The following MARCHF1 variants were observed in gnomAD, a reference collection of about 807,000 sequenced individuals.
MARCHF1 encodes the protein E3 ubiquitin-protein ligase MARCHF1.
MARCHF1 carries 40 observed loss-of-function variants against 54.2 expected under a neutral mutation model. The observed-to-expected ratio is 0.74, with a 90% CI of 0.57 to 0.96. The LOEUF is 0.96. Ranked by LOEUF, MARCHF1 falls within the 40% of genes least tolerant of loss-of-function variation. MARCHF1 has a pLI of 0.00. For missense variants in MARCHF1, 586 were observed against 656.5 expected, an observed-to-expected ratio of 0.89 and a Z score of 1.17; for synonymous variants, 236 against 236.3, an observed-to-expected ratio of 1.00 and a Z score of 0.01.
intron 1 of MARCHF1, among the ~76,000 whole-genome samples, chr4:164,160,353 A>C (rs11935658): frequency 6.6e-6 from 1 of 151,944 alleles, no homozygotes; most frequent in Admixed American, 6.6e-5. Context: ...ACTGAATGCT[A>C]TAGGCAACTG....
intron 5 of MARCHF1, among the ~76,000 whole-genome samples, chr4:163,676,209 T>C (rs1743912442): frequency 7.1e-6 from 1 of 140,066 alleles, no homozygotes; most frequent in South Asian, 2.3e-4. Context: ...AAAAAAAAAT[T>C]AGCTGGGCGT....
intron 3 of MARCHF1, among the ~76,000 whole-genome samples, chr4:163,896,939 G>A (rs1298337278): frequency 6.6e-6 from 1 of 152,046 alleles, no homozygotes; most frequent in Non-Finnish European, 1.5e-5. Context: ...ATTCAACTGT[G>A]GCTCATTCAG....
intron 4 of MARCHF1, among the ~76,000 whole-genome samples, chr4:163,842,907 T>A (rs182565922): frequency 6.6e-6 from 1 of 152,246 alleles, no homozygotes; most frequent in East Asian, 1.9e-4. Context: ...GTGCGGTGTG[T>A]TACATGGGTA....
At chr4:164,312,614 C>T (rs2111432274) in intron 1 of MARCHF1, among the ~76,000 whole-genome samples, 1 of 152,102 alleles carries the variant, frequency 6.6e-6, no homozygotes, top group South Asian at 2.1e-4. Context: ...AGCCACCGCA[C>T]CCGGCCGAAT....
intron 3 of MARCHF1, among the ~76,000 whole-genome samples, chr4:163,910,955 A>G (rs1751176250): frequency 6.6e-6 from 1 of 152,360 alleles, no homozygotes; most frequent in South Asian, 2.1e-4. Flanking sequence ...CAAAAATAAC[A>G]TGAATGAATA....
chr4:164,101,418 G>T (rs1349066094), intron 2 of MARCHF1, among the ~76,000 whole-genome samples: 1 of 121,032 alleles, frequency 8.3e-6, no homozygotes, highest in Non-Finnish European at 1.9e-5. Flanking sequence ...GGAGATCTGA[G>T]AACGGGCAGA....
intron 1 of MARCHF1, among the ~76,000 whole-genome samples, chr4:164,160,397 TA>T (rs1451145589): frequency 6.6e-6 from 1 of 152,144 alleles, no homozygotes; most frequent in Non-Finnish European, 1.5e-5. Flanking sequence ...TAAGCATATC[TA>T]AACATAGATA....
chr4:163,721,805 G>A (rs1387739706), intron 4 of MARCHF1, among the ~76,000 whole-genome samples: 2 of 152,124 alleles, frequency 1.3e-5, no homozygotes, highest in African/African-American at 4.8e-5. Context: ...AGATTTTCTA[G>A]TTTGCTTGCG....
At chr4:164,226,344 A>C (rs974701473) in intron 1 of MARCHF1, among the ~76,000 whole-genome samples, 6 of 152,056 alleles carry the variant, frequency 3.9e-5, no homozygotes, top group Non-Finnish European at 8.8e-5. Flanking sequence ...GGGGAAAATA[A>C]GCTATTAGAG....
In MARCHF1 at chr4:163,814,785, G is replaced by T. The variant is rs950526236; in HGVS notation, c.111+39236C>A. Among the ~76,000 whole-genome samples, 4 of 152,174 alleles carry T rather than the reference G, an allele frequency of 2.6e-5. No individual in the cohort carries two copies. In the South Asian group the frequency reaches 8.3e-4, roughly 32 times the overall value. On this transcript the variant is annotated intron_variant, in intron 4 of 9. Coordinates refer to ENST00000514618, the MANE Select transcript of MARCHF1 (RefSeq NM_001394959.1). ...TTTTCTCCCTAGTTTTCTTGTTTAA[G>T]AAACAACTATCAGCAATAGAACTAT...
intron 1 of MARCHF1, among the ~76,000 whole-genome samples, chr4:164,222,892 A>C (rs1732153363): frequency 6.6e-6 from 1 of 152,084 alleles, no homozygotes; most frequent in African/African-American, 2.4e-5. Flanking sequence ...AAGACTGGGT[A>C]ATTTATAAAG....
chr4:163,824,885 A>G (rs1748803369), intron 4 of MARCHF1, among the ~76,000 whole-genome samples: 1 of 137,998 alleles, frequency 7.2e-6, no homozygotes, highest in Non-Finnish European at 1.6e-5. Flanking sequence ...AAAGCACATG[A>G]AAAAATGCTC....
chr4:164,306,193 T>C (rs944756806), intron 1 of MARCHF1, among the ~76,000 whole-genome samples: 3 of 152,296 alleles, frequency 2.0e-5, no homozygotes, highest in Middle Eastern at 3.4e-3. Flanking sequence ...TCAAGGATGA[T>C]AGTTCACAGA....
chr4:164,010,062 C>CT (rs35143590), intron 2 of MARCHF1, among the ~76,000 whole-genome samples: 2,230 of 98,484 alleles, frequency 0.023, 79 homozygotes, highest in East Asian at 0.17. Flanking sequence ...TCAAAAAACT[C>CT]TTTTTTTTTT....
intron 2 of MARCHF1, among the ~76,000 whole-genome samples, chr4:164,062,601 T>A (rs933581225): frequency 2.0e-5 from 3 of 152,154 alleles, no homozygotes; most frequent in African/African-American, 7.2e-5. Flanking sequence ...CTCGGCTCAC[T>A]GCAACCTCCA....
chr4:163,873,678 G>A (rs1346226274), intron 3 of MARCHF1, among the ~76,000 whole-genome samples: 3 of 152,136 alleles, frequency 2.0e-5, no homozygotes, highest in Admixed American at 6.6e-5. Context: ...ATCAGTGAGA[G>A]ACAGAAAATA....
chr4:164,119,151 T>C (rs1293325483), intron 1 of MARCHF1, among the ~76,000 whole-genome samples: 3 of 151,418 alleles, frequency 2.0e-5, no homozygotes, highest in East Asian at 1.9e-4. Flanking sequence ...AAAGTATGAA[T>C]GAAACACAGT....
rs934283820 is a variant in MARCHF1, at chr4:164,297,126, T to C, written c.-323+86744A>G. On this transcript the variant is annotated intron_variant, in intron 1 of 9. Transcript: ENST00000514618. ...CATGTTTAGTACAGTGTATTGACTA[T>C]AGAAAATATGTAAAAATGGTAGGTA... Among the ~76,000 whole-genome samples, 3 of 152,338 alleles carry C rather than the reference T, an allele frequency of 2.0e-5. 1 individual carries two copies. In the Middle Eastern group the frequency reaches 0.01, roughly 518 times the overall value.
At chr4:163,737,309 G>A (rs187324294) in intron 4 of MARCHF1, among the ~76,000 whole-genome samples, 3,539 of 76,240 alleles carry the variant, frequency 0.046, 257 homozygotes, top group African/African-American at 0.071. Flanking sequence ...CTGGTGCGCT[G>A]CACCCACTAA....
Sources: allele counts gnomAD v4.1 joint callset (sites outside exome capture counted in the v4.1 genomes callset), GRCh38; gene constraint gnomAD v4.1.1; transcripts MANE v1.5; gene names NCBI Gene and HGNC (gene_info 2026-07-23, HGNC 2026-07-21).